Variants in CUL5 observed in about 807,000 individuals in gnomAD.
CUL5 encodes the protein cullin 5.
In CUL5, 26 loss-of-function variants were observed where a neutral mutation model predicts 108.8. That is an observed-to-expected ratio of 0.24 (90% CI 0.18 to 0.33). CUL5 has a LOEUF of 0.33. Ranked by LOEUF, CUL5 falls within the 10% of genes least tolerant of loss-of-function variation. CUL5 has a pLI of 1.00. For synonymous variants in CUL5, 334 were observed against 298.0 expected (o/e 1.12, Z -1.25); for missense variants, 524 against 909.2 (o/e 0.58, Z 5.45).
At chr11:108,099,895 A>G (rs1352559174) in intron 18 of CUL5, among the ~76,000 whole-genome samples, 3 of 145,618 alleles carry the variant, frequency 2.1e-5, no homozygotes, top group Non-Finnish European at 3.1e-5. Flanking sequence ...AATAACTTAA[A>G]CAAAAAAAAA....
rs1863266407 is a variant in CUL5, at chr11:108,052,749, A to G, written c.501A>G (p.Arg167=). 1 of 1,613,818 alleles carries G rather than the reference A, an allele frequency of 6.2e-7. No homozygotes were observed. The highest frequency in any genetic ancestry group is 1.7e-5 in the Admixed American group (1 of 60,018). The change falls in exon 5 of 19, where the codon AGA becomes AGG. Residue 167 remains arginine (R), a synonymous_variant. Coordinates refer to ENST00000393094, the MANE Select transcript of CUL5 (RefSeq NM_003478.6). ...CAATGAAGCTGGTACATGCTGAGAG[A>G]TTGGGAGAAGCTTTTGATTCTCAGC... The part of the protein sequence containing the change: ...DSAMKLVHAE[R]LGEAFDSQLV...
At chr11:108,062,277 A>G (rs1338925503) in intron 7 of CUL5, among the ~76,000 whole-genome samples, 1 of 151,998 alleles carries the variant, frequency 6.6e-6, no homozygotes, top group Admixed American at 6.6e-5. Flanking sequence ...TTCCTCTTGG[A>G]ATAGAATCTC....
chr11:108,103,587 A>G (rs568545725), intron 18 of CUL5, among the ~76,000 whole-genome samples: 1 of 152,268 alleles, frequency 6.6e-6, no homozygotes, highest in Non-Finnish European at 1.5e-5. Flanking sequence ...AATACAAGGG[A>G]AAAATTTGGT....
chr11:108,026,534 A>G (rs1302886976), intron 1 of CUL5, among the ~76,000 whole-genome samples: 1 of 152,108 alleles, frequency 6.6e-6, no homozygotes, highest in Admixed American at 6.6e-5. Context: ...TTCTCCTCTT[A>G]GCCTGTAGTC....
At chr11:108,088,960 C>A (rs193177761) in intron 12 of CUL5, among the ~76,000 whole-genome samples, 1 of 152,022 alleles carries the variant, frequency 6.6e-6, no homozygotes, top group Admixed American at 6.6e-5. Context: ...TGATAGTTGA[C>A]AGATTGGGAG....
At chr11:108,071,038 G>A (rs866079371) in intron 8 of CUL5, among the ~76,000 whole-genome samples, 2 of 152,270 alleles carry the variant, frequency 1.3e-5, no homozygotes, top group South Asian at 4.1e-4. Flanking sequence ...TAGGGTTTTT[G>A]TGAAGGTCAA....
intron 2 of CUL5, among the ~76,000 whole-genome samples, chr11:108,039,687 A>G (rs527869228): frequency 6.6e-5 from 10 of 152,322 alleles, no homozygotes; most frequent in Admixed American, 5.9e-4. Flanking sequence ...TTGCTTATCT[A>G]GATAACTCAT....
intron 1 of CUL5, among the ~76,000 whole-genome samples, chr11:108,021,159 G>A (rs996847748): frequency 6.6e-6 from 1 of 152,182 alleles, no homozygotes; most frequent in Non-Finnish European, 1.5e-5. Flanking sequence ...AGTACATGCT[G>A]TTATTTTCAC....
At chr11:108,023,580 G>A (rs1272232328) in intron 1 of CUL5, among the ~76,000 whole-genome samples, 1 of 152,154 alleles carries the variant, frequency 6.6e-6, no homozygotes, top group Non-Finnish European at 1.5e-5. Flanking sequence ...GACCCTTCGG[G>A]AGTCCATGTA....
At chr11:108,027,160 G>T (rs1862471531) in intron 1 of CUL5, among the ~76,000 whole-genome samples, 1 of 151,686 alleles carries the variant, frequency 6.6e-6, no homozygotes, top group Non-Finnish European at 1.5e-5. Flanking sequence ...TTGAGATAGG[G>T]TCTCACTGTC....
rs560186594 is a variant in CUL5, at chr11:108,099,743, C to T, written c.2148+1214C>T. 1.2e-4 allele frequency among the ~76,000 whole-genome samples: 18 copies of T among 152,232 alleles called. No individual in the cohort carries two copies. The East Asian group carries it at 1.9e-3, about 16-fold the overall frequency. ...TTCCCATGTTTCCAGGCAGGCTCTC[C>T]GCCTACCCCAGCTGATTCTTATTAC... On this transcript the variant is annotated intron_variant, in intron 18 of 18. Coordinates refer to ENST00000393094, the MANE Select transcript of CUL5 (RefSeq NM_003478.6).
At chr11:108,050,714 T>G (rs935106844) in intron 4 of CUL5, among the ~76,000 whole-genome samples, 2 of 152,236 alleles carry the variant, frequency 1.3e-5, no homozygotes, top group Admixed American at 1.3e-4. Flanking sequence ...GTCTCAAAAA[T>G]CCCCTTTTAT....
At chr11:108,030,260 A>G (rs2135078348) in intron 1 of CUL5, among the ~76,000 whole-genome samples, 1 of 152,360 alleles carries the variant, frequency 6.6e-6, no homozygotes, top group Non-Finnish European at 1.5e-5. Flanking sequence ...TCCATAAGGT[A>G]AAAAGAAACT....
intron 1 of CUL5, among the ~76,000 whole-genome samples, chr11:108,026,676 A>G (rs1191437599): frequency 6.6e-6 from 1 of 152,122 alleles, no homozygotes; most frequent in African/African-American, 2.4e-5. Flanking sequence ...TCAGCATACA[A>G]TCATACTGTA....
At chr11:108,058,298 G>C (rs1408830983) in intron 7 of CUL5, among the ~76,000 whole-genome samples, 1 of 124,154 alleles carries the variant, frequency 8.1e-6, no homozygotes, top group East Asian at 2.8e-4. Context: ...ACCCAGGCTA[G>C]AGTGCAGTAG....
At position 108,105,829 on chromosome 11, in the gene CUL5, T is replaced by C. The variant is rs556973644; in HGVS notation, c.*1445T>C. Reference sequence around the variant, plus strand: ...ATTTTTAAAGTATGGTTTTTGAAGATAGTAGGAAATGGAGTACAGAAAGGC... The same window carrying C: ...ATTTTTAAAGTATGGTTTTTGAAGACAGTAGGAAATGGAGTACAGAAAGGC... On this transcript the variant is annotated 3_prime_UTR_variant, in exon 19 of 19. Coordinates refer to ENST00000393094, the MANE Select transcript of CUL5 (RefSeq NM_003478.6). 25 of 152,216 alleles carry C rather than the reference T, an allele frequency of 1.6e-4. No homozygotes were observed. The highest frequency in any genetic ancestry group is 4.6e-4 in the Admixed American group (7 of 15,294). 9.4% of individuals were successfully genotyped at this position (152,216 alleles called of 1,614,324 possible).
chr11:108,009,371 A>C lies in CUL5; in HGVS notation c.23A>C (p.Lys8Thr). The change falls in exon 1 of 19, where the codon AAG becomes ACG. Residue 8 changes from lysine (K) to threonine (T), a missense_variant and splice_region_variant. Physicochemically the swap from Lys to Thr is moderately conservative, Grantham distance 78. Around this residue, in one of 8 missense-constraint regions of CUL5, gnomAD observed 76 missense variants for 90.8 expected, o/e 0.84. Transcript: ENST00000393094. MATSNLL[K>T]NKGSLQFEDK... ...AACATGGCGACGTCTAATCTGTTAA[A>C]GGTAAGACCCTCACTCCAGCTTGGG... The C allele has an allele frequency of 1.2e-6, 2 of 1,613,534 alleles. No individual in the cohort carries two copies. The highest frequency in any genetic ancestry group is 1.7e-6 in the Non-Finnish European group (2 of 1,179,742).
At chr11:108,074,485 G>A (rs1418709781) in intron 10 of CUL5, among the ~76,000 whole-genome samples, 2 of 151,698 alleles carry the variant, frequency 1.3e-5, no homozygotes, top group African/African-American at 2.4e-5. Flanking sequence ...CTGAGCTACT[G>A]TGCCCAGACT....
intron 10 of CUL5, 98 bp from the exon 11 acceptor site, chr11:108,078,073 TAGAAA>T: frequency 3.1e-6 from 2 of 642,502 alleles, no homozygotes; most frequent in Non-Finnish European, 5.1e-6. Context: ...GATATACCAT[TAGAAA>T]TAAAAACTAA....
Sources: gnomAD v4.1 joint callset for allele counts (sites outside exome capture counted in the v4.1 genomes callset) on GRCh38, gnomAD v4.1.1 for gene constraint, gnomAD v4.1.1 regional missense constraint, MANE v1.5 for transcripts, NCBI Gene and HGNC (gene_info 2026-07-23, HGNC 2026-07-21) for gene names.